Variants in NBEA observed in about 807,000 individuals in gnomAD.
NBEA encodes lysosomal-trafficking regulator 2.
NBEA carries 44 observed loss-of-function variants against 343.4 expected under a neutral mutation model. The observed-to-expected ratio is 0.13, with a 90% CI of 0.10 to 0.16. The LOEUF is 0.16. Ranked by LOEUF, NBEA falls within the 10% of genes least tolerant of loss-of-function variation. NBEA has a pLI of 1.00. For missense variants in NBEA, 2,555 were observed against 3,631.3 expected (o/e 0.70, Z 7.62); for synonymous variants, 1,175 against 1,238.7 (o/e 0.95, Z 1.08).
chr13:35,628,156 C>A lies in NBEA; in HGVS notation c.7525C>A (p.Pro2509Thr), dbSNP rs537123807. 6.2e-7 allele frequency: 1 copy of A among 1,613,246 alleles called. No homozygotes were observed. The highest frequency in any genetic ancestry group is 2.2e-5 in the East Asian group (1 of 44,828). Residue 2509 changes from proline to threonine, a missense_variant, in exon 49 of 59, where the codon CCA (proline) becomes ACA (threonine). Physicochemically the swap from Pro to Thr is conservative, Grantham distance 38. Transcript: ENST00000379939. ...DLIFGYKQRG[P>T]EAVRALNVFH... Reference sequence around the variant, plus strand: ...TATATTTGGCTATAAGCAGCGAGGACCAGAAGCAGTTCGTGCTCTGAATGT... The same window carrying A: ...TATATTTGGCTATAAGCAGCGAGGAACAGAAGCAGTTCGTGCTCTGAATGT...
intron 1 of NBEA, among the ~76,000 whole-genome samples, chr13:34,943,775 G>C (rs1340298784): frequency 6.6e-6 from 1 of 152,148 alleles, no homozygotes; most frequent in Non-Finnish European, 1.5e-5. Context: ...TGCACACAAG[G>C]TGTGTGAGGA....
At chr13:35,554,929 A>T in intron 43 of NBEA, 58 bp from the exon 44 acceptor site, 1 of 808,154 alleles carries the variant, frequency 1.2e-6, no homozygotes. Context: ...TTAATATTGG[A>T]TTTTTTAAAG....
intron 10 of NBEA, among the ~76,000 whole-genome samples, chr13:35,082,857 A>G (rs1183247536): frequency 6.6e-6 from 1 of 152,042 alleles, no homozygotes; most frequent in Non-Finnish European, 1.5e-5. Context: ...ATTTTCTCCC[A>G]TTCTGTAGGT....
At position 35,404,819 on chromosome 13, in the gene NBEA, T is replaced by G. The variant is rs961159115; in HGVS notation, c.6180-27450T>G. On this transcript the variant is annotated intron_variant, in intron 38 of 58. Transcript: ENST00000379939. The stretch of plus-strand genomic sequence containing the variant: ...TGCCAAATTTACAAGCAAGAGTATT[T>G]TAGAGAGAGGAATGTCATGTGATAC... Among the ~76,000 whole-genome samples, 13 of 151,946 alleles carry G rather than the reference T, an allele frequency of 8.6e-5. 1 individual carries two copies. The highest frequency in any genetic ancestry group is 3.9e-4 in the East Asian group (2 of 5,168).
At chr13:35,206,411 G>A (rs907584700) in intron 31 of NBEA, among the ~76,000 whole-genome samples, 2 of 152,022 alleles carry the variant, frequency 1.3e-5, no homozygotes, top group Admixed American at 6.6e-5. Flanking sequence ...AATCATGAGA[G>A]ATGCAGAAAA....
At chr13:35,022,192 A>G (rs1022571169) in intron 1 of NBEA, among the ~76,000 whole-genome samples, 1 of 152,162 alleles carries the variant, frequency 6.6e-6, no homozygotes, top group African/African-American at 2.4e-5. Context: ...TATCCTTACT[A>G]TATCTATTGT....
intron 33 of NBEA, among the ~76,000 whole-genome samples, chr13:35,219,303 T>C (rs1027772581): frequency 1.3e-5 from 2 of 152,082 alleles, no homozygotes; most frequent in African/African-American, 4.8e-5. Flanking sequence ...TAGAGAGAAA[T>C]AACAAGAAAC....
intron 41 of NBEA, among the ~76,000 whole-genome samples, chr13:35,489,587 T>C (rs573028107): frequency 3.3e-5 from 5 of 151,940 alleles, no homozygotes; most frequent in African/African-American, 1.2e-4. Context: ...GCTTAGCTGA[T>C]GGACATCAAA....
chr13:35,188,906 G>GTTTTTTTTTTTTTTTTT (rs571102808), intron 30 of NBEA, among the ~76,000 whole-genome samples: 2 of 109,760 alleles, frequency 1.8e-5, no homozygotes, highest in Admixed American at 9.8e-5. Flanking sequence ...TTTACTTTTT[G>GTTTTTTTTTTTTTTTTT]TTTTTTTTTT....
At chr13:35,037,137 C>T (rs1414440314) in intron 1 of NBEA, among the ~76,000 whole-genome samples, 5 of 152,154 alleles carry the variant, frequency 3.3e-5, no homozygotes, top group African/African-American at 1.2e-4. Context: ...TTTCTTCAAG[C>T]TCATTAATTC....
intron 57 of NBEA, among the ~76,000 whole-genome samples, chr13:35,667,895 G>T (rs1179797136): frequency 1.3e-5 from 2 of 152,168 alleles, no homozygotes; most frequent in Non-Finnish European, 2.9e-5. Flanking sequence ...TATTTTCAAA[G>T]ATTTCTATCT....
At chr13:35,318,722 G>C (rs976049036) in intron 36 of NBEA, among the ~76,000 whole-genome samples, 1 of 152,070 alleles carries the variant, frequency 6.6e-6, no homozygotes, top group Non-Finnish European at 1.5e-5. Context: ...CTATGAATCC[G>C]TCTGGTCCTG....
chr13:35,219,959 A>T (rs566910500), intron 33 of NBEA, among the ~76,000 whole-genome samples: 1 of 152,276 alleles, frequency 6.6e-6, no homozygotes, highest in African/African-American at 2.4e-5. Flanking sequence ...AGTGCTGTTT[A>T]ATCAAATATC....
At chr13:35,657,216 A>G (rs2084852492) in intron 55 of NBEA, among the ~76,000 whole-genome samples, 1 of 152,234 alleles carries the variant, frequency 6.6e-6, no homozygotes, top group South Asian at 2.1e-4. Flanking sequence ...TGTTGCCCAT[A>G]GCTAGAGTTG....
Position 34,942,714 on chromosome 13 carries a change from A to T in NBEA, c.-107A>T, listed in dbSNP as rs1431006548. 3.6e-6 allele frequency: 3 copies of T among 833,796 alleles called. No homozygotes were observed. Among genetic ancestry groups the T allele is most frequent in the African/African-American group, 1.8e-5 (1 of 55,378 alleles). The allele number at this position is 833,796 out of a possible 1,614,324, so 51.6% of individuals were successfully genotyped here. On this transcript the variant is annotated 5_prime_UTR_variant, in exon 1 of 59. An upstream start codon of the reference 5' UTR is lost. Transcript: ENST00000379939. ...GGGCCCGGCGCCGCGGCGCTGGTGG[A>T]TGCTGGGGCTCCGAGGCGACGGCCG...
At chr13:35,006,003 G>A (rs144700511) in intron 1 of NBEA, among the ~76,000 whole-genome samples, 1 of 152,156 alleles carries the variant, frequency 6.6e-6, no homozygotes, top group Admixed American at 6.5e-5. Context: ...CTTATAAGCT[G>A]CATGTGGTTG....
chr13:34,992,457 T>C (rs1159718840), intron 1 of NBEA, among the ~76,000 whole-genome samples: 1 of 151,426 alleles, frequency 6.6e-6, no homozygotes, highest in Non-Finnish European at 1.5e-5. Context: ...CATTTCACCA[T>C]GTTGGACAGG....
At chr13:35,316,033 A>G (rs1016291353) in intron 36 of NBEA, among the ~76,000 whole-genome samples, 47 of 144,170 alleles carry the variant, frequency 3.3e-4, no homozygotes, top group African/African-American at 1.2e-3. Context: ...ACTGGAAAAC[A>G]GAAGTTTCTT....
rs149740264 is a variant in NBEA at position 35,024,342 on chromosome 13, T to G, written c.295-16591T>G. The stretch of plus-strand genomic sequence containing the variant: ...TTTTGGTAAAACAATTTTTATTCCT[T>G]TTGATGTATACCCAGTAATGGGATT... On this transcript the variant is annotated intron_variant, in intron 1 of 58. Coordinates refer to ENST00000379939, the MANE Select transcript of NBEA (RefSeq NM_001385012.1). 7.6e-3 allele frequency among the ~76,000 whole-genome samples: 1,161 copies of G among 152,178 alleles called. 13 individuals carry two copies. The highest frequency in any genetic ancestry group is 0.027 in the African/African-American group (1,113 of 41,520).
Sources: allele counts gnomAD v4.1 joint callset (sites outside exome capture counted in the v4.1 genomes callset), GRCh38; gene constraint gnomAD v4.1.1; transcripts MANE v1.5; gene names NCBI Gene and HGNC (gene_info 2026-07-23, HGNC 2026-07-21).